RAB3B: variants seen among roughly 807,000 people sequenced by gnomAD.
The protein encoded by RAB3B is RAB3B, member RAS oncogene family, also known as ras-related protein Rab-3B.
A neutral mutation model predicts 20.5 loss-of-function variants in RAB3B; 11 were observed. The observed-to-expected ratio is 0.54, with a 90% CI of 0.34 to 0.89. RAB3B has a LOEUF of 0.89. RAB3B is among the 40% of genes least tolerant of loss of function. The pLI, the probability that RAB3B is intolerant of heterozygous loss-of-function variation, is 0.02. For synonymous variants in RAB3B, 99 were observed against 106.3 expected, an observed-to-expected ratio of 0.93 and a Z score of 0.42; for missense variants, 225 against 280.9, an observed-to-expected ratio of 0.80 and a Z score of 1.42.
At chr1:51,920,813 A>T (rs939618565) in intron 4 of RAB3B, among the ~76,000 whole-genome samples, 10 of 151,994 alleles carry the variant, frequency 6.6e-5, no homozygotes, top group Admixed American at 2.0e-4. Flanking sequence ...GCACCTCAAG[A>T]TTCACACTGA....
At chr1:51,986,203 G>A (rs945405243) in intron 1 of RAB3B, among the ~76,000 whole-genome samples, 1 of 150,604 alleles carries the variant, frequency 6.6e-6, no homozygotes, top group African/African-American at 2.5e-5. Flanking sequence ...CAGGCTGGAG[G>A]GCAGTGGCGC....
chr1:51,970,950 C>T (rs1684921806), intron 2 of RAB3B, among the ~76,000 whole-genome samples: 1 of 148,942 alleles, frequency 6.7e-6, no homozygotes, highest in Admixed American at 6.7e-5. Context: ...GGCAGAACTT[C>T]CAGTCAGCTG....
At chr1:51,958,750 G>A (rs1329252987) in intron 2 of RAB3B, among the ~76,000 whole-genome samples, 1 of 151,632 alleles carries the variant, frequency 6.6e-6, no homozygotes, top group Non-Finnish European at 1.5e-5. Flanking sequence ...AAAAGAAAGT[G>A]GCCTACTCAT....
At chr1:51,965,806 C>T (rs529155891) in intron 2 of RAB3B, among the ~76,000 whole-genome samples, 2 of 152,150 alleles carry the variant, frequency 1.3e-5, no homozygotes, top group East Asian at 1.9e-4. Flanking sequence ...GTAGTTTAAT[C>T]GTATTGTACC....
intron 3 of RAB3B, among the ~76,000 whole-genome samples, chr1:51,935,080 T>A (rs923165571): frequency 2.6e-5 from 4 of 152,216 alleles, no homozygotes; most frequent in African/African-American, 9.6e-5. Flanking sequence ...GGGATGCCAA[T>A]ACCCAGCACA....
intron 4 of RAB3B, among the ~76,000 whole-genome samples, chr1:51,920,721 A>G (rs774415869): frequency 6.6e-6 from 1 of 152,112 alleles, no homozygotes; most frequent in Non-Finnish European, 1.5e-5. Context: ...CAGGTTTTGG[A>G]CTTTTTCGCA....
At chr1:51,975,991 TAAA>T (rs747925765) in intron 2 of RAB3B, among the ~76,000 whole-genome samples, 2 of 135,496 alleles carry the variant, frequency 1.5e-5, no homozygotes, top group African/African-American at 2.7e-5. Flanking sequence ...GACTCCGTCT[TAAA>T]AAAAAAAAAA....
At position 51,909,846 on chromosome 1, in the gene RAB3B, C is replaced by T. The variant is rs1683972514; in HGVS notation, c.*10081G>A. 1 of 152,078 alleles carries T rather than the reference C, an allele frequency of 6.6e-6. No individual in the cohort carries two copies. Among genetic ancestry groups the T allele is most frequent in the Non-Finnish European group, 1.5e-5 (1 of 68,082 alleles). The allele number at this position is 152,078 out of a possible 1,614,324, so 9.4% of individuals were successfully genotyped here. A position where few individuals can be genotyped will look rare whatever the true frequency, so the allele number is the denominator to read the frequency against. On this transcript the variant is annotated 3_prime_UTR_variant, in exon 5 of 5. Transcript: ENST00000371655. ...TTCTCCAGTCTCTGGTTCTCAGTCCCCTTACAAAGATCCTGGATTAGATTT... is the reference window on the plus strand; with the variant it reads ...TTCTCCAGTCTCTGGTTCTCAGTCCTCTTACAAAGATCCTGGATTAGATTT...
chr1:51,981,883 G>A (rs572835492), intron 1 of RAB3B, among the ~76,000 whole-genome samples: 30 of 152,094 alleles, frequency 2.0e-4, no homozygotes, highest in Non-Finnish European at 3.5e-4. Flanking sequence ...ATGATTATGT[G>A]CTATACATAA....
intron 2 of RAB3B, among the ~76,000 whole-genome samples, chr1:51,967,442 T>C (rs1684868287): frequency 6.6e-6 from 1 of 151,604 alleles, no homozygotes; most frequent in Non-Finnish European, 1.5e-5. Context: ...ACTTAAAACA[T>C]GGACATTACC....
chr1:51,944,725 T>C (rs976811603), intron 2 of RAB3B, among the ~76,000 whole-genome samples: 2 of 152,174 alleles, frequency 1.3e-5, no homozygotes, highest in African/African-American at 2.4e-5. Context: ...GGCAATCTCA[T>C]GATAAAACTT....
chr1:51,924,004 C>T, intron 4 of RAB3B, among the ~76,000 whole-genome samples: 1 of 152,142 alleles, frequency 6.6e-6, no homozygotes, highest in East Asian at 1.9e-4. Flanking sequence ...TGGCAGAAGT[C>T]CATATAGACA....
chr1:51,954,624 T>C (rs1031897255), intron 2 of RAB3B, among the ~76,000 whole-genome samples: 4 of 152,164 alleles, frequency 2.6e-5, no homozygotes, highest in African/African-American at 9.7e-5. Flanking sequence ...CATGTACTAC[T>C]TATTCTCCCT....
chr1:51,979,978 T>C (rs1685065495), intron 1 of RAB3B, among the ~76,000 whole-genome samples: 1 of 151,950 alleles, frequency 6.6e-6, no homozygotes, highest in South Asian at 2.1e-4. Flanking sequence ...GAGGCGGAGC[T>C]TGTAGTGAGC....
chr1:51,956,944 G>A (rs1265648818), intron 2 of RAB3B, among the ~76,000 whole-genome samples: 1 of 152,208 alleles, frequency 6.6e-6, no homozygotes, highest in African/African-American at 2.4e-5. Flanking sequence ...AAACTTCACA[G>A]CCTTCCTAAC....
At chr1:51,958,724 CAAAAAAAAA>C (rs11379171) in intron 2 of RAB3B, among the ~76,000 whole-genome samples, 1 of 121,816 alleles carries the variant, frequency 8.2e-6, no homozygotes, top group Non-Finnish European at 1.7e-5. Context: ...AACTCAGTCT[CAAAAAAAAA>C]AAAAAGAAAA....
intron 2 of RAB3B, among the ~76,000 whole-genome samples, chr1:51,946,628 C>G (rs959617960): frequency 6.6e-6 from 1 of 152,218 alleles, no homozygotes; most frequent in African/African-American, 2.4e-5. Context: ...GTGTGGCAGA[C>G]AGACATGTGG....
At chr1:51,989,322 G>A (rs1288959826) in intron 1 of RAB3B, among the ~76,000 whole-genome samples, 2 of 148,372 alleles carry the variant, frequency 1.3e-5, no homozygotes, top group African/African-American at 2.5e-5. Context: ...CTGCTGCCCT[G>A]CCCTCCCCAA....
intron 4 of RAB3B, among the ~76,000 whole-genome samples, chr1:51,925,949 T>G (rs1006882598): frequency 6.6e-6 from 1 of 152,170 alleles, no homozygotes; most frequent in Non-Finnish European, 1.5e-5. Flanking sequence ...GGAGTCACAG[T>G]AGAGGAGCAG....
Sources: gnomAD v4.1 joint callset for allele counts (sites outside exome capture counted in the v4.1 genomes callset) on GRCh38, gnomAD v4.1.1 for gene constraint, MANE v1.5 for transcripts, NCBI Gene and HGNC (gene_info 2026-07-23, HGNC 2026-07-21) for gene names.